The following MAP2 variants were observed in gnomAD, a reference collection of about 807,000 sequenced individuals.
The protein encoded by MAP2 is microtubule-associated protein 2.
MAP2 carries 14 observed loss-of-function variants against 137.6 expected under a neutral mutation model. The ratio of observed to expected loss-of-function variants is 0.10; its 90% CI spans 0.07 to 0.16. The LOEUF is 0.16. Among genes scored for constraint, MAP2 ranks in the 10% least tolerant of loss-of-function variants. The probability of loss-of-function intolerance (pLI) is 1.00; values close to 1 mark genes in which losing one functional copy is unlikely to be tolerated. For synonymous variants in MAP2, 786 were observed against 782.3 expected (o/e 1.00, Z -0.08); for missense variants, 2,088 against 2,191.5 (o/e 0.95, Z 0.94).
intron 4 of MAP2, among the ~76,000 whole-genome samples, chr2:209,642,342 G>A (rs967964136): frequency 1.3e-5 from 2 of 151,326 alleles, no homozygotes; most frequent in African/African-American, 4.9e-5. Flanking sequence ...GCTGAGGCTT[G>A]CTTGAGCCCA....
intron 1 of MAP2, among the ~76,000 whole-genome samples, chr2:209,495,125 G>A (rs1490223694): frequency 6.6e-6 from 1 of 152,240 alleles, no homozygotes; most frequent in Non-Finnish European, 1.5e-5. Context: ...TAGCCAGACT[G>A]CCTCTGTAGA....
intron 1 of MAP2, among the ~76,000 whole-genome samples, chr2:209,467,747 G>A (rs1463706315): frequency 6.6e-6 from 1 of 152,182 alleles, no homozygotes; most frequent in Non-Finnish European, 1.5e-5. Flanking sequence ...TCTGCAGACA[G>A]ATTGCCAGGG....
At chr2:209,525,165 T>C (rs569961870) in intron 2 of MAP2, among the ~76,000 whole-genome samples, 9 of 152,282 alleles carry the variant, frequency 5.9e-5, no homozygotes, top group Admixed American at 4.6e-4. Context: ...TGCTCAGAGG[T>C]TGTCAAACAT....
rs749056479 is a variant in MAP2, at chr2:209,653,398, C to T, written c.228C>T (p.Asn76=). The change falls in exon 5 of 16, where the codon AAC becomes AAT. Residue 76 remains asparagine (N), a synonymous_variant. Transcript: ENST00000682079. ...TYSNTKENGI[N]GELTSADRET... Reference sequence around the variant, plus strand: ...CAAATACCAAAGAGAATGGGATCAACGGAGAGCTGACCTCAGCTGACAGAG... The same window carrying T: ...CAAATACCAAAGAGAATGGGATCAATGGAGAGCTGACCTCAGCTGACAGAG... 2.4e-5 allele frequency: 38 copies of T among 1,611,016 alleles called. No individual in the cohort carries two copies. The South Asian group carries it at 2.4e-4, about 10-fold the overall frequency.
At chr2:209,431,405 A>G (rs998440929) in intron 1 of MAP2, among the ~76,000 whole-genome samples, 1 of 152,122 alleles carries the variant, frequency 6.6e-6, no homozygotes, top group African/African-American at 2.4e-5. Flanking sequence ...TAATTAGTTA[A>G]TTATTTTTTA....
intron 3 of MAP2, among the ~76,000 whole-genome samples, chr2:209,615,620 T>C (rs1272858830): frequency 6.6e-6 from 1 of 152,196 alleles, no homozygotes; most frequent in Non-Finnish European, 1.5e-5. Context: ...GTCTCATTAA[T>C]AGTCTTCATT....
chr2:209,502,711 T>C (rs941561746), intron 1 of MAP2, among the ~76,000 whole-genome samples: 5 of 152,322 alleles, frequency 3.3e-5, no homozygotes, highest in African/African-American at 1.2e-4. Context: ...ATCAACAGTA[T>C]ACAGTGTTCC....
intron 4 of MAP2, among the ~76,000 whole-genome samples, chr2:209,632,000 G>T (rs1411130413): frequency 6.6e-6 from 1 of 152,160 alleles, no homozygotes; most frequent in Non-Finnish European, 1.5e-5. Context: ...TAGATAGTGG[G>T]GATTCCGTGG....
chr2:209,605,001 A>G (rs1310435148), intron 3 of MAP2, among the ~76,000 whole-genome samples: 1 of 152,196 alleles, frequency 6.6e-6, no homozygotes, highest in East Asian at 1.9e-4. Flanking sequence ...AAACATAGTC[A>G]GTAATTTCTC....
chr2:209,581,655 G>T (rs1362141699), intron 3 of MAP2, among the ~76,000 whole-genome samples: 1 of 152,102 alleles, frequency 6.6e-6, no homozygotes, highest in Admixed American at 6.6e-5. Flanking sequence ...TTCACATGAA[G>T]ATCTATTTCC....
intron 4 of MAP2, among the ~76,000 whole-genome samples, chr2:209,631,362 T>C (rs2093029076): frequency 6.6e-6 from 1 of 152,112 alleles, no homozygotes; most frequent in Non-Finnish European, 1.5e-5. Context: ...TGAATGTGAT[T>C]ATGAGTTTGG....
intron 5 of MAP2, among the ~76,000 whole-genome samples, chr2:209,659,927 A>C (rs1360330560): frequency 6.6e-6 from 1 of 151,986 alleles, no homozygotes; most frequent in Non-Finnish European, 1.5e-5. Context: ...AGTCCCAGCT[A>C]CTTAGGAGGC....
At chr2:209,683,634 A>G (rs1211519290) in intron 7 of MAP2, among the ~76,000 whole-genome samples, 1 of 152,208 alleles carries the variant, frequency 6.6e-6, no homozygotes. Flanking sequence ...GTAGTTTGTA[A>G]ATACTCAGCC....
chr2:209,561,453 G>A (rs2072068138), intron 2 of MAP2, among the ~76,000 whole-genome samples: 1 of 152,172 alleles, frequency 6.6e-6, no homozygotes, highest in Non-Finnish European at 1.5e-5. Context: ...GATTCATGAA[G>A]GTTCTTCAGT....
chr2:209,478,917 G>T (rs993311330), intron 1 of MAP2, among the ~76,000 whole-genome samples: 1 of 152,104 alleles, frequency 6.6e-6, no homozygotes, highest in Non-Finnish European at 1.5e-5. Context: ...TTCTTCCAGG[G>T]TTTGAAACAA....
chr2:209,647,019 CA>C (rs2094462227), intron 4 of MAP2, among the ~76,000 whole-genome samples: 1 of 152,186 alleles, frequency 6.6e-6, no homozygotes, highest in Non-Finnish European at 1.5e-5. Context: ...GGCATCTGCT[CA>C]GCTTCGGGGA....
At chr2:209,544,118 A>G (rs2067552622) in intron 2 of MAP2, among the ~76,000 whole-genome samples, 1 of 151,970 alleles carries the variant, frequency 6.6e-6, no homozygotes, top group Admixed American at 6.6e-5. Flanking sequence ...CTGTAGTCCC[A>G]TCTACTTGGG....
intron 3 of MAP2, among the ~76,000 whole-genome samples, chr2:209,622,515 A>C (rs984040130): frequency 6.6e-6 from 1 of 152,218 alleles, no homozygotes; most frequent in Non-Finnish European, 1.5e-5. Context: ...CTTAATATAT[A>C]TGAAGTGCTT....
chr2:209,445,813 T>G (rs72995681), intron 1 of MAP2, among the ~76,000 whole-genome samples: 43,226 of 151,502 alleles, frequency 0.29, 7,076 homozygotes, highest in South Asian at 0.4. Flanking sequence ...TAATAATATG[T>G]GGACTCAAAC....
Sources: allele counts gnomAD v4.1 joint callset (sites outside exome capture counted in the v4.1 genomes callset), GRCh38; gene constraint gnomAD v4.1.1; transcripts MANE v1.5; gene names NCBI Gene and HGNC (gene_info 2026-07-23, HGNC 2026-07-21).